Variants in INTU observed in about 807,000 individuals in gnomAD.
The protein encoded by INTU is protein inturned.
Under a neutral mutation model 100.5 loss-of-function variants are expected in INTU, and 68 were observed. That is an observed-to-expected ratio of 0.68 (90% confidence interval 0.56 to 0.83). The LOEUF is 0.83. INTU is among the 40% of genes least tolerant of loss of function. INTU has a pLI of 0.00. For missense variants in INTU, 1,071 were observed against 1,114.7 expected (o/e 0.96, Z 0.56); for synonymous variants, 357 against 395.7 (o/e 0.90, Z 1.16).
rs1358870497 is a variant in INTU at position 127,716,349 on chromosome 4, T to G, written c.2742T>G (p.Pro914=). ...GGAGACTTTTTCTTCATCCAAAACCTCAAGAACTTTATGTCTGTTTTCATG... is the reference window on the plus strand; with the variant it reads ...GGAGACTTTTTCTTCATCCAAAACCGCAAGAACTTTATGTCTGTTTTCATG... ...VVGRLFLHPK[P]QELYVCFHDS... The change falls in exon 16 of 16, where the codon CCT becomes CCG. Residue 914 remains proline, a synonymous_variant. Coordinates refer to ENST00000335251, the MANE Select transcript of INTU (RefSeq NM_015693.4). 1 of 1,576,526 alleles carries G rather than the reference T, an allele frequency of 6.3e-7. No individual in the cohort carries two copies. Among genetic ancestry groups the G allele is most frequent in the Admixed American group, 1.8e-5 (1 of 54,512 alleles).
intron 1 of INTU, among the ~76,000 whole-genome samples, chr4:127,643,231 A>G (rs1727411156): frequency 6.6e-6 from 1 of 152,176 alleles, no homozygotes; most frequent in Non-Finnish European, 1.5e-5. Context: ...CATAGATTCT[A>G]TAAGGGGACC....
intron 9 of INTU, among the ~76,000 whole-genome samples, chr4:127,701,189 G>A (rs920843665): frequency 1.3e-5 from 2 of 152,182 alleles, no homozygotes; most frequent in Non-Finnish European, 2.9e-5. Flanking sequence ...GGCATGTTAA[G>A]TTACTCCATT....
intron 1 of INTU, among the ~76,000 whole-genome samples, chr4:127,634,201 A>G (rs1341001814): frequency 2.0e-5 from 3 of 152,224 alleles, no homozygotes; most frequent in African/African-American, 7.2e-5. Context: ...CAAATTTTAA[A>G]ATATCGTATT....
chr4:127,668,109 G>T (rs985261650), intron 4 of INTU, among the ~76,000 whole-genome samples: 1 of 151,882 alleles, frequency 6.6e-6, no homozygotes, highest in Admixed American at 6.6e-5. Flanking sequence ...ATTCTTCATG[G>T]TTCCTCTCTG....
At chr4:127,675,632 T>C (rs1481882457) in intron 6 of INTU, among the ~76,000 whole-genome samples, 1 of 152,206 alleles carries the variant, frequency 6.6e-6, no homozygotes, top group African/African-American at 2.4e-5. Flanking sequence ...TGGCCAGGGA[T>C]AGACTTATCT....
chr4:127,636,140 T>A (rs7664217), intron 1 of INTU, among the ~76,000 whole-genome samples: 2 of 151,802 alleles, frequency 1.3e-5, no homozygotes, highest in South Asian at 4.2e-4. Flanking sequence ...CATGATGGTA[T>A]GTGCCTATAG....
chr4:127,642,583 G>A (rs995168766), intron 1 of INTU, among the ~76,000 whole-genome samples: 9 of 151,962 alleles, frequency 5.9e-5, no homozygotes, highest in Admixed American at 1.3e-4. Context: ...CTTTCAGGCC[G>A]GGATATTACA....
chr4:127,706,653 CCT>C lies in INTU; in HGVS notation c.1956_1957del (p.Cys653PhefsTer5), dbSNP rs779599325. 1.9e-5 allele frequency: 30 copies of C among 1,613,906 alleles called. No individual in the cohort carries two copies. The highest frequency in any genetic ancestry group is 2.5e-5 in the Non-Finnish European group (29 of 1,179,942). ...GAACGGCTAGCATCTTCTCCAGTCC[CCT>C]GTTTGTCTTGTGCTGACTGGTTCCT... On this transcript the variant is annotated frameshift_variant, in exon 12 of 16. Transcript: ENST00000335251. LOFTEE classifies it high-confidence loss of function.
chr4:127,714,207 A>C, intron 15 of INTU, 114 bp downstream of exon 15: 1 of 637,676 alleles, frequency 1.6e-6, no homozygotes, highest in Non-Finnish European at 2.5e-6. Flanking sequence ...TAGCTATACT[A>C]TTTTAATATA....
At chr4:127,689,139 T>A (rs1729988146) in intron 8 of INTU, among the ~76,000 whole-genome samples, 1 of 151,448 alleles carries the variant, frequency 6.6e-6, no homozygotes, top group Non-Finnish European at 1.5e-5. Context: ...CACACCACCA[T>A]GCCTGGCTAA....
In INTU at chr4:127,682,028, G is replaced by A. The variant is rs1729587741; in HGVS notation, c.1182-2381G>A. 1.4e-5 allele frequency among the ~76,000 whole-genome samples: 2 copies of A among 145,774 alleles called. 1 individual carries two copies. Among genetic ancestry groups the A allele is most frequent in the African/African-American group, 5.6e-5 (2 of 35,672 alleles). On this transcript the variant is annotated intron_variant, in intron 6 of 15. Transcript: ENST00000335251. ...ATGCTCATCATCACTGGCCATCAGA[G>A]AAATGCAAATCAAAACCACAATGAG...
chr4:127,716,455 T>A lies in INTU; in HGVS notation c.*19T>A. The A allele has an allele frequency of 8.4e-7, 1 of 1,189,504 alleles. No homozygotes were observed. The highest frequency in any genetic ancestry group is 1.2e-6 in the Non-Finnish European group (1 of 825,080). 73.7% of individuals were successfully genotyped at this position (1,189,504 alleles called of 1,614,324 possible). A position where few individuals can be genotyped will look rare whatever the true frequency, so the allele number is the denominator to read the frequency against. Reference sequence around the variant, plus strand: ...CTTGTAGCTGTGCTTTCTTGATGCGTAGAAACACGTGCATGGAGGATCAAA... The same window carrying A: ...CTTGTAGCTGTGCTTTCTTGATGCGAAGAAACACGTGCATGGAGGATCAAA... On this transcript the variant is annotated 3_prime_UTR_variant, in exon 16 of 16. Coordinates refer to ENST00000335251, the MANE Select transcript of INTU (RefSeq NM_015693.4).
intron 8 of INTU, among the ~76,000 whole-genome samples, chr4:127,690,355 C>A (rs979593739): frequency 6.6e-6 from 1 of 152,150 alleles, no homozygotes; most frequent in Non-Finnish European, 1.5e-5. Context: ...GCTTATCTTG[C>A]CAGTGCTTTG....
At chr4:127,639,794 G>C (rs1313589716) in intron 1 of INTU, among the ~76,000 whole-genome samples, 1 of 152,036 alleles carries the variant, frequency 6.6e-6, no homozygotes, top group Non-Finnish European at 1.5e-5. Context: ...CTCTGTTCTA[G>C]TAATTTTGAA....
rs971919620 is a variant in INTU, at chr4:127,691,980, A to ATATATATATATATATATATATATG, written c.1449+4114_1449+4115insATATATATATATATATATATATGT. Among the ~76,000 whole-genome samples the ATATATATATATATATATATATATG allele has an allele frequency of 1.5e-4, 21 of 143,414 alleles. 1 individual carries two copies. Among genetic ancestry groups the ATATATATATATATATATATATATG allele is most frequent in the Admixed American group, 1.3e-3 (18 of 14,368 alleles). The allele number at this position is 143,414 out of a possible 152,430, so 94.1% of individuals were successfully genotyped here. ...ATGGTATGTATATATATATATATAT[A>ATATATATATATATATATATATATG]TGTCACATTTTCTTTATCCACTCGT... On this transcript the variant is annotated intron_variant, in intron 8 of 15. Coordinates refer to ENST00000335251, the MANE Select transcript of INTU (RefSeq NM_015693.4).
At chr4:127,708,944 T>C (rs1730990120) in intron 13 of INTU, among the ~76,000 whole-genome samples, 1 of 152,222 alleles carries the variant, frequency 6.6e-6, no homozygotes, top group African/African-American at 2.4e-5. Context: ...ATATTTAATA[T>C]AATTTTTAAA....
At chr4:127,644,547 A>T (rs1727485855) in intron 2 of INTU, among the ~76,000 whole-genome samples, 1 of 152,156 alleles carries the variant, frequency 6.6e-6, no homozygotes, top group African/African-American at 2.4e-5. Context: ...GTTATATATA[A>T]ATTTCCTTTT....
chr4:127,684,595 T>C, intron 7 of INTU, 109 bp downstream of exon 7: 1 of 597,132 alleles, frequency 1.7e-6, no homozygotes, highest in East Asian at 3.1e-5. Flanking sequence ...GTCTCTTTTC[T>C]CCTCCCTCCC....
At chr4:127,707,680 C>T (rs1345393648) in intron 12 of INTU, among the ~76,000 whole-genome samples, 1 of 151,634 alleles carries the variant, frequency 6.6e-6, no homozygotes, top group African/African-American at 2.4e-5. Context: ...TGTGTATTAT[C>T]CTATTTTTAT....
Sources: gnomAD v4.1 joint callset for allele counts (sites outside exome capture counted in the v4.1 genomes callset) on GRCh38, gnomAD v4.1.1 for gene constraint, MANE v1.5 for transcripts, NCBI Gene and HGNC (gene_info 2026-07-23, HGNC 2026-07-21) for gene names.